Variants in BCAP31 observed in about 807,000 individuals in gnomAD.
The protein encoded by BCAP31 is B cell receptor associated protein 31.
For synonymous variants in BCAP31, 75 were observed against 80.9 expected (o/e 0.93, Z 0.39); for missense variants, 124 against 193.0 (o/e 0.64, Z 2.12).
chrX:153,715,234 C>T (rs1250435541), intron 4 of BCAP31, among the ~76,000 whole-genome samples: 1 of 111,927 alleles, frequency 8.9e-6, no homozygotes, highest in African/African-American at 3.2e-5. Flanking sequence ...CAGAGGAGGG[C>T]AAGGCCTTAC....
At chrX:153,717,275 T>A (rs2091635735) in intron 3 of BCAP31, among the ~76,000 whole-genome samples, 1 of 112,221 alleles carries the variant, frequency 8.9e-6, no homozygotes, top group African/African-American at 3.2e-5. Flanking sequence ...AAAAATATAT[T>A]TATATTTGTC....
chrX:153,719,511 C>G (rs2091650658), intron 3 of BCAP31, among the ~76,000 whole-genome samples: 2 of 112,130 alleles, frequency 1.8e-5, no homozygotes, highest in Admixed American at 1.9e-4. Context: ...GGCAGTCCAG[C>G]CTGAACATAT....
intron 1 of BCAP31, chrX:153,723,751 GGC>G (rs2091686259): frequency 9.5e-7 from 1 of 1,051,820 alleles, no homozygotes; most frequent in Admixed American, 3.1e-5. Flanking sequence ...GCAGGCCCAA[GGC>G]CGCACCTAGT....
chrX:153,713,718 C>G (rs1437065279), intron 4 of BCAP31, among the ~76,000 whole-genome samples: 1 of 109,897 alleles, frequency 9.1e-6, no homozygotes, highest in African/African-American at 3.3e-5. Flanking sequence ...TCTTGCCCAC[C>G]TGTAATTTCC....
intron 4 of BCAP31, 29 bp from the exon 5 acceptor site, chrX:153,704,123 A>C (rs1557047974): frequency 8.4e-7 from 1 of 1,193,263 alleles, no homozygotes; most frequent in Admixed American, 2.2e-5. Flanking sequence ...AGAAGGGAGA[A>C]GTGAGAAAAA....
chrX:153,706,514 C>T (rs781857301), intron 4 of BCAP31, among the ~76,000 whole-genome samples: 7 of 112,882 alleles, frequency 6.2e-5, no homozygotes, highest in African/African-American at 1.9e-4. Context: ...GAGGTCCCCT[C>T]GCAACACCCT....
At chrX:153,719,066 C>A (rs978862274) in intron 3 of BCAP31, among the ~76,000 whole-genome samples, 1 of 111,841 alleles carries the variant, frequency 8.9e-6, no homozygotes, top group Non-Finnish European at 1.9e-5. Context: ...GCCATATGTC[C>A]CCCTAGAACT....
At chrX:153,721,435 CAA>C (rs782544895) in intron 2 of BCAP31, among the ~76,000 whole-genome samples, 12 of 32,540 alleles carry the variant, frequency 3.7e-4, no homozygotes, top group Admixed American at 1.2e-3. Flanking sequence ...GACCTTGTCT[CAA>C]AAAAAAAAAA....
At chrX:153,719,134 G>T (rs1380894043) in intron 3 of BCAP31, among the ~76,000 whole-genome samples, 11 of 111,671 alleles carry the variant, frequency 9.9e-5, no homozygotes, top group African/African-American at 3.3e-4. Context: ...ACTGGATTCC[G>T]CAAAGGATCT....
At chrX:153,714,639 G>C (rs1557049747) in intron 4 of BCAP31, among the ~76,000 whole-genome samples, 1 of 110,974 alleles carries the variant, frequency 9.0e-6, no homozygotes, top group Non-Finnish European at 1.9e-5. Context: ...AATCTCCTAG[G>C]CATGGAGATT....
chrX:153,715,765 C>T (rs1314964493), intron 3 of BCAP31, 76 bp from the exon 4 acceptor site: 4 of 1,117,377 alleles, frequency 3.6e-6, no homozygotes, highest in African/African-American at 3.6e-5. Context: ...GGCAGACAGG[C>T]GGCATGAGAC....
intron 3 of BCAP31, among the ~76,000 whole-genome samples, chrX:153,718,690 G>C (rs2091645490): frequency 1.8e-5 from 2 of 111,944 alleles, no homozygotes; most frequent in African/African-American, 6.5e-5. Context: ...AGAAAAACAA[G>C]ATAAACATGT....
At chrX:153,718,834 G>A (rs1170965850) in intron 3 of BCAP31, among the ~76,000 whole-genome samples, 3 of 110,980 alleles carry the variant, frequency 2.7e-5, no homozygotes, top group Admixed American at 1.9e-4. Flanking sequence ...TCCCTGTCTC[G>A]GGCCTCAGCC....
At chrX:153,717,434 C>T (rs1447008646) in intron 3 of BCAP31, among the ~76,000 whole-genome samples, 1 of 111,855 alleles carries the variant, frequency 8.9e-6, no homozygotes, top group Non-Finnish European at 1.9e-5. Context: ...GTATGGGTAT[C>T]GAGGTTCTTT....
At chrX:153,701,510 C>T (rs782125339) in intron 7 of BCAP31, among the ~76,000 whole-genome samples, 2 of 112,862 alleles carry the variant, frequency 1.8e-5, no homozygotes, top group African/African-American at 3.2e-5. Flanking sequence ...CTTCCAGATG[C>T]GGCCTGGTGC....
chrX:153,721,497 CTT>C (rs782160789), intron 2 of BCAP31, among the ~76,000 whole-genome samples: 5 of 86,322 alleles, frequency 5.8e-5, no homozygotes, highest in Non-Finnish European at 9.2e-5. Flanking sequence ...GAAAACTAAT[CTT>C]TTTTTTTTTT....
chrX:153,723,867 T>A, intron 1 of BCAP31: 1 of 567,051 alleles, frequency 1.8e-6, no homozygotes, highest in Non-Finnish European at 3.0e-6. Flanking sequence ...CGGGGCCGCT[T>A]CGCCTCCGGT....
At chrX:153,709,122 GCTAT>G (rs1399857775) in intron 4 of BCAP31, among the ~76,000 whole-genome samples, 2 of 111,773 alleles carry the variant, frequency 1.8e-5, no homozygotes, top group Non-Finnish European at 1.9e-5. Context: ...TTTAAAACCA[GCTAT>G]CTGAGGGGTT....
chrX:153,706,658 T>C (rs58136436), intron 4 of BCAP31, among the ~76,000 whole-genome samples: 2,133 of 112,717 alleles, frequency 0.019, 53 homozygotes, highest in African/African-American at 0.065. Flanking sequence ...CTGCTAAACA[T>C]TGGCTCCTGG....
Sources: gnomAD v4.1 joint callset for allele counts (sites outside exome capture counted in the v4.1 genomes callset) on GRCh38, gnomAD v4.1.1 for gene constraint, MANE v1.5 for transcripts, NCBI Gene and HGNC (gene_info 2026-07-23, HGNC 2026-07-21) for gene names.